The following SLC22A23 variants were observed in gnomAD, a reference collection of about 807,000 sequenced individuals.
SLC22A23 encodes ion transporter protein.
In SLC22A23, 26 loss-of-function variants were observed where a neutral mutation model predicts 61.0. That is an observed-to-expected ratio of 0.43 (90% CI 0.31 to 0.59). The LOEUF is 0.59. SLC22A23 is among the 20% of genes least tolerant of loss of function. The pLI, the probability that SLC22A23 is intolerant of heterozygous loss-of-function variation, is 0.11. For synonymous variants in SLC22A23, 430 were observed against 413.9 expected (o/e 1.04, Z -0.47); for missense variants, 796 against 934.7 (o/e 0.85, Z 1.94).
chr6:3,448,849 G>C (rs1772040959), intron 1 of SLC22A23, among the ~76,000 whole-genome samples: 1 of 152,158 alleles, frequency 6.6e-6, no homozygotes, highest in Non-Finnish European at 1.5e-5. Context: ...TTGGACTAAA[G>C]GCCAAAGTAA....
At chr6:3,450,512 G>A (rs1050516370) in intron 1 of SLC22A23, among the ~76,000 whole-genome samples, 29 of 152,142 alleles carry the variant, frequency 1.9e-4, no homozygotes, top group Non-Finnish European at 1.5e-5. Flanking sequence ...TCACTATGTT[G>A]GCCAGGCTGG....
At chr6:3,425,285 C>CTTTTTTTT (rs33955202) in intron 1 of SLC22A23, among the ~76,000 whole-genome samples, 12 of 115,834 alleles carry the variant, frequency 1.0e-4, no homozygotes, top group Non-Finnish European at 1.3e-4. Flanking sequence ...ATGAATAATT[C>CTTTTTTTT]TTTTTTTTTT....
At chr6:3,319,436 G>A (rs1211168750) in intron 4 of SLC22A23, among the ~76,000 whole-genome samples, 2 of 152,146 alleles carry the variant, frequency 1.3e-5, no homozygotes, top group Non-Finnish European at 2.9e-5. Context: ...TACTTGGTAC[G>A]TAGCACTATT....
chr6:3,393,679 C>T (rs971904947), intron 3 of SLC22A23, among the ~76,000 whole-genome samples: 5 of 152,234 alleles, frequency 3.3e-5, no homozygotes, highest in African/African-American at 9.6e-5. Flanking sequence ...AACCATTGCT[C>T]CACGCCTTTG....
In SLC22A23 at chr6:3,271,783, CGAG is replaced by C. The variant is rs1360319555; in HGVS notation, c.*1269_*1271del. The C allele has an allele frequency of 6.6e-6, 1 of 152,348 alleles. No individual in the cohort carries two copies. The highest frequency in any genetic ancestry group is 2.4e-5 in the African/African-American group (1 of 41,460). The allele number at this position is 152,348 out of a possible 1,614,324, so 9.4% of individuals were successfully genotyped here. On this transcript the variant is annotated 3_prime_UTR_variant, in exon 10 of 10. Coordinates refer to ENST00000406686, the MANE Select transcript of SLC22A23 (RefSeq NM_015482.2). ...GAAACCTCCACTTTCTGGGGTGAAA[CGAG>C]GAACACGAAGAGACCCATGGAGGTC...
chr6:3,367,031 T>G (rs1170861025), intron 3 of SLC22A23, among the ~76,000 whole-genome samples: 1 of 152,240 alleles, frequency 6.6e-6, no homozygotes, highest in Non-Finnish European at 1.5e-5. Flanking sequence ...AACATGGCAA[T>G]CAATCATTGC....
chr6:3,331,878 T>C (rs1581702867), intron 3 of SLC22A23, among the ~76,000 whole-genome samples: 1 of 152,226 alleles, frequency 6.6e-6, no homozygotes, highest in Non-Finnish European at 1.5e-5. Flanking sequence ...ATTGTCAAGC[T>C]AACTGAAGGA....
intron 4 of SLC22A23, chr6:3,311,740 ATC>A (rs1228105133): frequency 6.6e-6 from 1 of 152,226 alleles, no homozygotes; most frequent in African/African-American, 2.4e-5. Flanking sequence ...CTGCTAATTT[ATC>A]TGTTACAAAA....
chr6:3,456,084 G>T lies in SLC22A23; in HGVS notation c.476C>A (p.Pro159His), dbSNP rs761529558. Residue 159 changes from proline to histidine, a missense_variant, in exon 1 of 10, where the codon CCC (proline) becomes CAC (histidine). By Grantham distance (77) the Pro-to-His change is moderately conservative. Transcript: ENST00000406686. This position sits in a 1 kb window ranked among gnomAD's most constrained non-coding sequence, Gnocchi z 7.1. ...AGCCTCCCAGGGGGCAGTGGCGAAG[G>T]GGGTGGTGGGGAGGCTGGTCCAGTT... ...MGNWTSLPTTPFATAPWEAAG... is the reference protein window; with the variant it reads ...MGNWTSLPTTHFATAPWEAAG... 6.5e-7 allele frequency: 1 copy of T among 1,550,278 alleles called. No homozygotes were observed. Among genetic ancestry groups the T allele is most frequent in the Non-Finnish European group, 8.7e-7 (1 of 1,146,640 alleles).
chr6:3,437,745 ATTT>A (rs66470069), intron 1 of SLC22A23, among the ~76,000 whole-genome samples: 90 of 114,314 alleles, frequency 7.9e-4, no homozygotes, highest in African/African-American at 2.5e-3. Context: ...AACTTACTAG[ATTT>A]TTTTTTTTTT....
intron 9 of SLC22A23, among the ~76,000 whole-genome samples, chr6:3,281,742 C>CCGATGGCA (rs1759491055): frequency 6.6e-6 from 1 of 152,092 alleles, no homozygotes; most frequent in South Asian, 2.1e-4. Context: ...CTGTGGCCTC[C>CCGATGGCA]CGATGGCACG....
intron 1 of SLC22A23, among the ~76,000 whole-genome samples, chr6:3,449,904 G>T (rs1253631577): frequency 6.6e-6 from 1 of 152,214 alleles, no homozygotes; most frequent in African/African-American, 2.4e-5. Context: ...TGCTTCCTCG[G>T]TAAGTGATTA....
intron 4 of SLC22A23, among the ~76,000 whole-genome samples, chr6:3,320,932 T>C (rs1300845303): frequency 1.3e-5 from 2 of 152,236 alleles, no homozygotes; most frequent in East Asian, 1.9e-4. Context: ...ATGATTATCA[T>C]GGCAGTTAAT....
chr6:3,402,850 G>A (rs17308907), intron 3 of SLC22A23, among the ~76,000 whole-genome samples: 2,322 of 152,306 alleles, frequency 0.015, 31 homozygotes, highest in South Asian at 0.045. Context: ...ATGTAATCAA[G>A]GAACCAACTG....
rs1243400143 is a variant in SLC22A23 at position 3,414,497 on chromosome 6, C to T, written c.758+1255G>A. 6.6e-6 allele frequency among the ~76,000 whole-genome samples: 1 copy of T among 152,206 alleles called. No individual in the cohort carries two copies. Among genetic ancestry groups the T allele is most frequent in the East Asian group, 1.9e-4 (1 of 5,186 alleles). On this transcript the variant is annotated intron_variant, in intron 2 of 9. Transcript: ENST00000406686. This position sits in a 1 kb window ranked among gnomAD's most constrained non-coding sequence, Gnocchi z 5.1. The stretch of plus-strand genomic sequence containing the variant: ...CATGATGAGGCAGATGTCAAGCACA[C>T]AGGAAATCACATTACATGTCAGCTC...
intron 3 of SLC22A23, among the ~76,000 whole-genome samples, chr6:3,406,762 T>C (rs573105036): frequency 2.0e-5 from 3 of 152,284 alleles, no homozygotes; most frequent in Non-Finnish European, 4.4e-5. Context: ...CTCTATTTTA[T>C]GTACTAATTA....
intron 3 of SLC22A23, among the ~76,000 whole-genome samples, chr6:3,332,084 G>GC (rs745542349): frequency 6.6e-6 from 1 of 152,336 alleles, no homozygotes; most frequent in South Asian, 2.1e-4. Context: ...AGCCTCACAG[G>GC]CCTTCAGATT....
chr6:3,305,107 A>G (rs933098251), intron 4 of SLC22A23, among the ~76,000 whole-genome samples: 1 of 152,136 alleles, frequency 6.6e-6, no homozygotes, highest in African/African-American at 2.4e-5. Context: ...CAACCAACAG[A>G]CACTGTCCCA....
At chr6:3,288,533 C>T (rs999363046) in intron 6 of SLC22A23, among the ~76,000 whole-genome samples, 1 of 152,240 alleles carries the variant, frequency 6.6e-6, no homozygotes, top group East Asian at 1.9e-4. Flanking sequence ...GGGCAATCTC[C>T]TACCTTCTTG....
Sources: allele counts gnomAD v4.1 joint callset (sites outside exome capture counted in the v4.1 genomes callset), GRCh38; gene constraint gnomAD v4.1.1; non-coding constraint Gnocchi (gnomAD v3.1); transcripts MANE v1.5; gene names NCBI Gene and HGNC (gene_info 2026-07-23, HGNC 2026-07-21).